Variants in KIAA1217 observed in about 807,000 individuals in gnomAD.
KIAA1217 encodes KIAA1217.
Under a neutral mutation model 163.9 loss-of-function variants are expected in KIAA1217, and 88 were observed. That is an observed-to-expected ratio of 0.54 (90% CI 0.45 to 0.64). KIAA1217 has a LOEUF of 0.64. KIAA1217 is among the 30% of genes least tolerant of loss of function. The pLI is 0.00. For synonymous variants in KIAA1217, 903 were observed against 923.1 expected (o/e 0.98, Z 0.39); for missense variants, 2,372 against 2,475.0 (o/e 0.96, Z 0.88).
chr10:24,292,738 C>G (rs2079210101), intron 2 of KIAA1217, among the ~76,000 whole-genome samples: 1 of 152,090 alleles, frequency 6.6e-6, no homozygotes, highest in Admixed American at 6.6e-5. Flanking sequence ...TGGGCTGTTT[C>G]AAGAGTTTCC....
At chr10:24,539,964 C>A (rs762327012) in intron 17 of KIAA1217, among the ~76,000 whole-genome samples, 5 of 152,120 alleles carry the variant, frequency 3.3e-5, no homozygotes, top group Non-Finnish European at 7.4e-5. Context: ...AATCCCAGGG[C>A]CTATAAATAC....
At chr10:24,506,922 G>A (rs1438646450) in intron 9 of KIAA1217, among the ~76,000 whole-genome samples, 1 of 152,226 alleles carries the variant, frequency 6.6e-6, no homozygotes, top group Non-Finnish European at 1.5e-5. Flanking sequence ...ATTAAGCCAA[G>A]CATGTACAGT....
chr10:23,993,029 C>CTTTT (rs1188657000), intron 1 of KIAA1217, among the ~76,000 whole-genome samples: 60 of 118,620 alleles, frequency 5.1e-4, no homozygotes, highest in Non-Finnish European at 7.1e-4. Context: ...TGATAGCTTC[C>CTTTT]TTTTTTTTTT....
intron 5 of KIAA1217, among the ~76,000 whole-genome samples, chr10:24,471,264 C>G (rs1034724882): frequency 1.3e-5 from 2 of 152,096 alleles, no homozygotes; most frequent in Non-Finnish European, 2.9e-5. Flanking sequence ...CCCTCATCCA[C>G]CCTCCAACCA....
chr10:23,890,803 AT>A (rs1384734967), intron 1 of KIAA1217, among the ~76,000 whole-genome samples: 1 of 151,958 alleles, frequency 6.6e-6, no homozygotes, highest in Non-Finnish European at 1.5e-5. Flanking sequence ...ATCCTTACTG[AT>A]TTTTTGCCTA....
rs185770522 is a variant in KIAA1217, at chr10:24,034,461, G to A, written c.-171+27087G>A. Among the ~76,000 whole-genome samples the A allele has an allele frequency of 2.2e-3, 338 of 151,774 alleles. 2 individuals are homozygous for A. The highest frequency in any genetic ancestry group is 7.8e-3 in the African/African-American group (325 of 41,412). On this transcript the variant is annotated intron_variant, in intron 2 of 18. Coordinates refer to the KIAA1217 transcript ENST00000376462. ...GCCTGTGGTCCCAGCTACTCAAGAA[G>A]CTGAGGTGGGAGGATCACCTGAGCA... is the stretch of plus-strand genomic sequence containing the variant.
At chr10:24,513,586 G>A in intron 10 of KIAA1217, 152 bp downstream of exon 10, 1 of 698,656 alleles carries the variant, frequency 1.4e-6, no homozygotes, top group Non-Finnish European at 2.4e-6. Context: ...GCTGGTATAT[G>A]TGGACACTTC....
intron 2 of KIAA1217, among the ~76,000 whole-genome samples, chr10:24,357,750 T>C (rs1234049733): frequency 6.6e-6 from 1 of 152,194 alleles, no homozygotes; most frequent in Non-Finnish European, 1.5e-5. Context: ...CCTTATAGGA[T>C]GAGTATTTTC....
intron 1 of KIAA1217, among the ~76,000 whole-genome samples, chr10:23,836,158 T>C (rs1838438268): frequency 6.6e-6 from 1 of 152,230 alleles, no homozygotes; most frequent in Non-Finnish European, 1.5e-5. Context: ...TGATATAACC[T>C]ATCAGTCTGT....
intron 2 of KIAA1217, among the ~76,000 whole-genome samples, chr10:24,077,912 GC>G (rs1197862275): frequency 6.6e-6 from 1 of 152,122 alleles, no homozygotes; most frequent in African/African-American, 2.4e-5. Flanking sequence ...ATCGCACTGT[GC>G]TTTTGATTTG....
At chr10:23,717,728 G>C (rs7070388) in intron 1 of KIAA1217, among the ~76,000 whole-genome samples, 1 of 152,050 alleles carries the variant, frequency 6.6e-6, no homozygotes, top group Non-Finnish European at 1.5e-5. Context: ...TATGCAAAAT[G>C]TATGCTAGAA....
chr10:24,386,326 A>G (rs991498842), intron 3 of KIAA1217, among the ~76,000 whole-genome samples: 3 of 152,214 alleles, frequency 2.0e-5, no homozygotes, highest in African/African-American at 7.2e-5. Flanking sequence ...CTTTTATTCC[A>G]ACATGATTAA....
chr10:24,478,879 T>C (rs905045284), intron 6 of KIAA1217, among the ~76,000 whole-genome samples: 1 of 152,192 alleles, frequency 6.6e-6, no homozygotes, highest in Non-Finnish European at 1.5e-5. Context: ...GAAATAACAC[T>C]CAAAATTCAA....
chr10:23,893,165 C>T (rs542846550), intron 1 of KIAA1217, among the ~76,000 whole-genome samples: 1 of 152,054 alleles, frequency 6.6e-6, no homozygotes, highest in Non-Finnish European at 1.5e-5. Flanking sequence ...GTCACAATTT[C>T]AGAGCCTGTT....
chr10:24,347,964 G>C (rs1405509275), intron 2 of KIAA1217, among the ~76,000 whole-genome samples: 1 of 152,180 alleles, frequency 6.6e-6, no homozygotes, highest in Admixed American at 6.5e-5. Context: ...TCATTCATAT[G>C]CATATTCATA....
chr10:24,485,887 T>C (rs913995309), intron 6 of KIAA1217, among the ~76,000 whole-genome samples: 1 of 152,200 alleles, frequency 6.6e-6, no homozygotes, highest in Non-Finnish European at 1.5e-5. Flanking sequence ...CGTGGATGTC[T>C]GTTAATGAAC....
chr10:24,032,927 A>G (rs1308677435), intron 2 of KIAA1217, among the ~76,000 whole-genome samples: 1 of 152,218 alleles, frequency 6.6e-6, no homozygotes, highest in Non-Finnish European at 1.5e-5. Flanking sequence ...AACTGTGACT[A>G]CAAAACTCCA....
intron 1 of KIAA1217, among the ~76,000 whole-genome samples, chr10:23,873,502 C>T (rs138544194): frequency 2.0e-5 from 3 of 152,092 alleles, no homozygotes; most frequent in African/African-American, 7.2e-5. Flanking sequence ...AATTTACTCC[C>T]AATTTTAAGA....
chr10:23,771,996 A>G (rs1834816142), intron 1 of KIAA1217, among the ~76,000 whole-genome samples: 1 of 152,250 alleles, frequency 6.6e-6, no homozygotes, highest in African/African-American at 2.4e-5. Context: ...GAAAGAATCT[A>G]AAAATACATG....
Sources: gnomAD v4.1 joint callset for allele counts (sites outside exome capture counted in the v4.1 genomes callset) on GRCh38, gnomAD v4.1.1 for gene constraint, MANE v1.5 for transcripts, NCBI Gene and HGNC (gene_info 2026-07-23, HGNC 2026-07-21) for gene names.